Variants in NLGN4X observed in about 807,000 individuals in gnomAD.
NLGN4X encodes the protein neuroligin-4, X-linked.
NLGN4X carries 3 observed loss-of-function variants against 40.3 expected under a neutral mutation model. That is an observed-to-expected ratio of 0.07 (90% confidence interval 0.03 to 0.19). The LOEUF (loss-of-function observed/expected upper bound fraction) is 0.19, where lower values mean the gene tolerates loss of function less well. NLGN4X is among the 10% of genes least tolerant of loss of function. The probability of loss-of-function intolerance (pLI) is 1.00; values close to 1 mark genes in which losing one functional copy is unlikely to be tolerated. For synonymous variants in NLGN4X, 270 were observed against 306.8 expected, an observed-to-expected ratio of 0.88 and a Z score of 1.25; for missense variants, 382 against 708.3, an observed-to-expected ratio of 0.54 and a Z score of 5.23.
At chrX:6,115,608 A>C (rs1184705694) in intron 2 of NLGN4X, among the ~76,000 whole-genome samples, 1 of 112,054 alleles carries the variant, frequency 8.9e-6, no homozygotes, top group Admixed American at 9.4e-5. Flanking sequence ...CAAAAGATCC[A>C]GAAATAGTAG....
intron 2 of NLGN4X, among the ~76,000 whole-genome samples, chrX:6,056,594 T>C (rs2037638090): frequency 8.9e-6 from 1 of 112,279 alleles, no homozygotes; most frequent in Admixed American, 9.5e-5. Flanking sequence ...TCTAGAAACA[T>C]GCGTTAATTG....
intron 2 of NLGN4X, among the ~76,000 whole-genome samples, chrX:6,078,923 C>CAT (rs1230188515): frequency 1.8e-5 from 2 of 111,158 alleles, no homozygotes; most frequent in African/African-American, 3.3e-5. Flanking sequence ...CTCATGATAG[C>CAT]GAGTGAGTTC....
intron 1 of NLGN4X, among the ~76,000 whole-genome samples, chrX:6,169,790 C>A (rs1332260294): frequency 9.0e-6 from 1 of 111,459 alleles, no homozygotes; most frequent in East Asian, 2.8e-4. Context: ...GCATTCCACA[C>A]ACGAGAACAT....
At chrX:6,037,606 T>C (rs1466758471) in intron 2 of NLGN4X, among the ~76,000 whole-genome samples, 1 of 111,608 alleles carries the variant, frequency 9.0e-6, no homozygotes, top group Non-Finnish European at 1.9e-5. Context: ...GATATCATAT[T>C]GAACTGTATT....
intron 1 of NLGN4X, chrX:6,186,707 CTTTG>C (rs1922043854): frequency 1.8e-5 from 2 of 111,686 alleles, no homozygotes; most frequent in African/African-American, 6.5e-5. Context: ...TGTTAAAAGT[CTTTG>C]TTTTTCTCTT....
chrX:5,946,352 T>A (rs542879715), intron 3 of NLGN4X, among the ~76,000 whole-genome samples: 2 of 112,033 alleles, frequency 1.8e-5, no homozygotes, highest in Non-Finnish European at 3.8e-5. Context: ...TTTTAACTGA[T>A]TTTTCCAAAA....
At chrX:6,161,798 G>A (rs897598368) in intron 1 of NLGN4X, among the ~76,000 whole-genome samples, 1 of 110,299 alleles carries the variant, frequency 9.1e-6, no homozygotes, top group African/African-American at 3.3e-5. Context: ...AAGAGAGGGA[G>A]AGACTGACAA....
At chrX:6,092,175 C>T (rs1407666595) in intron 2 of NLGN4X, among the ~76,000 whole-genome samples, 1 of 111,554 alleles carries the variant, frequency 9.0e-6, no homozygotes, top group Non-Finnish European at 1.9e-5. Flanking sequence ...AACTTCTGGG[C>T]ACAAGGAAGT....
chrX:5,976,250 T>C (rs985720192), intron 3 of NLGN4X, among the ~76,000 whole-genome samples: 12 of 112,368 alleles, frequency 1.1e-4, no homozygotes, highest in African/African-American at 3.9e-4. Flanking sequence ...AACTACCTTT[T>C]GGCAAAGAGA....
rs142918981 is a variant in NLGN4X, at chrX:5,988,244, T to C, written c.625+41036A>G. 7.0e-3 allele frequency among the ~76,000 whole-genome samples: 787 copies of C among 111,959 alleles called. 3 individuals are homozygous for C. The highest frequency in any genetic ancestry group is 0.024 in the African/African-American group (733 of 30,811). The stretch of plus-strand genomic sequence containing the variant: ...AGGAACTGAGCCATTGATCCGTCCA[T>C]CACAGGCCCATCCTCAGGTCTATAG... On this transcript the variant is annotated intron_variant, in intron 3 of 5. Coordinates refer to ENST00000381095, the MANE Select transcript of NLGN4X (RefSeq NM_181332.3).
intron 1 of NLGN4X, among the ~76,000 whole-genome samples, chrX:6,171,747 A>G (rs750306393): frequency 1.8e-5 from 2 of 111,944 alleles, no homozygotes; most frequent in Non-Finnish European, 3.8e-5. Flanking sequence ...TTGATTCTTA[A>G]TAAGTTTTTT....
chrX:6,066,641 C>T (rs1316902748), intron 2 of NLGN4X, among the ~76,000 whole-genome samples: 3 of 110,812 alleles, frequency 2.7e-5, no homozygotes, highest in African/African-American at 9.9e-5. Context: ...AAAAATTAGC[C>T]GGGTTTGGTG....
intron 2 of NLGN4X, among the ~76,000 whole-genome samples, chrX:6,085,463 T>C (rs770277033): frequency 1.1e-3 from 119 of 111,531 alleles, no homozygotes; most frequent in African/African-American, 3.6e-3. Flanking sequence ...ATAAAGAAGG[T>C]CAAGGAATTT....
chrX:5,943,930 C>T (rs1486443521), intron 3 of NLGN4X, among the ~76,000 whole-genome samples: 1 of 112,216 alleles, frequency 8.9e-6, no homozygotes, highest in East Asian at 2.8e-4. Context: ...TTTATAAATG[C>T]ATGATTCTGT....
At chrX:6,032,723 T>C (rs777446993) in intron 2 of NLGN4X, 2 of 1,193,385 alleles carry the variant, frequency 1.7e-6, no homozygotes, top group Non-Finnish European at 2.3e-6. Context: ...ACTCGTTATA[T>C]CATCTGCGTT....
intron 2 of NLGN4X, among the ~76,000 whole-genome samples, chrX:6,110,971 G>A (rs769873585): frequency 6.3e-5 from 7 of 111,240 alleles, no homozygotes; most frequent in East Asian, 2.8e-4. Flanking sequence ...GGTTCGAGGC[G>A]GAAATACCTA....
chrX:6,159,226 T>C (rs928806773), intron 1 of NLGN4X, among the ~76,000 whole-genome samples: 2 of 111,405 alleles, frequency 1.8e-5, no homozygotes, highest in Non-Finnish European at 3.8e-5. Context: ...AAACCAAATC[T>C]TGGGGGATTA....
At position 5,921,148 on chromosome X, in the gene NLGN4X, C is replaced by CATATATATATAT. The variant is rs60922455; in HGVS notation, c.626-11921_626-11910dup. Reference sequence around the variant, plus strand: ...TAAGTATTTTTTATATATATATATACATATATATATATATATATATATTAG... The same window carrying CATATATATATAT: ...TAAGTATTTTTTATATATATATATACATATATATATATATATATATATATATATATATATTAG... On this transcript the variant is annotated intron_variant, in intron 3 of 5. Transcript: ENST00000381095. 4.0e-3 allele frequency among the ~76,000 whole-genome samples: 360 copies of CATATATATATAT among 91,010 alleles called. 1 individual carries two copies. Among genetic ancestry groups the CATATATATATAT allele is most frequent in the African/African-American group, 0.014 (341 of 24,891 alleles). The allele number at this position is 91,010 out of a possible 115,157, so 79.0% of individuals were successfully genotyped here.
intron 1 of NLGN4X, among the ~76,000 whole-genome samples, chrX:6,202,463 G>A (rs1253245641): frequency 9.4e-6 from 1 of 106,411 alleles, no homozygotes; most frequent in African/African-American, 3.5e-5. Context: ...TCAGCCTCCC[G>A]AGTAGGTAGG....
Sources: gnomAD v4.1 joint callset for allele counts (sites outside exome capture counted in the v4.1 genomes callset) on GRCh38, gnomAD v4.1.1 for gene constraint, MANE v1.5 for transcripts, NCBI Gene and HGNC (gene_info 2026-07-23, HGNC 2026-07-21) for gene names.